The following RIPOR3 variants were observed in gnomAD, a reference collection of about 807,000 sequenced individuals.
RIPOR3 encodes the protein RIPOR family member 3.
In RIPOR3, 95 loss-of-function variants were observed where a neutral mutation model predicts 114.3. The ratio of observed to expected loss-of-function variants is 0.83; its 90% CI spans 0.70 to 0.99. The LOEUF is 0.99. Among genes scored for constraint, RIPOR3 ranks in the 50% least tolerant of loss-of-function variants. The pLI is 0.00. For missense variants in RIPOR3, 1,252 were observed against 1,266.9 expected (o/e 0.99, Z 0.18); for synonymous variants, 575 against 543.8 (o/e 1.06, Z -0.80).
At position 50,604,653 on chromosome 20, in the gene RIPOR3, A is replaced by G; in HGVS notation, c.1078T>C (p.Tyr360His). 6.2e-7 allele frequency: 1 copy of G among 1,607,128 alleles called. No individual in the cohort carries two copies. ...PPSTPSFRER[Y>H]YLSVLQQPTQ... ...CGGGAAGGCTCACTCACCAGGTAGT[A>G]TCTCTCCCGGAAGCTGGGGGTGCTC... is the stretch of plus-strand genomic sequence containing the variant. The change falls in exon 12 of 22, where the codon TAC becomes CAC. Residue 360 changes from tyrosine to histidine, a missense_variant. Coordinates refer to ENST00000327979, the MANE Select transcript of RIPOR3 (RefSeq NM_001290268.2).
intron 1 of RIPOR3, among the ~76,000 whole-genome samples, chr20:50,668,577 C>G (rs995425062): frequency 3.9e-5 from 6 of 152,190 alleles, no homozygotes; most frequent in Admixed American, 2.6e-4. Flanking sequence ...GGGGAAATGG[C>G]CGGGCACAGT....
At chr20:50,661,257 T>G (rs1347882015) in intron 1 of RIPOR3, among the ~76,000 whole-genome samples, 1 of 151,666 alleles carries the variant, frequency 6.6e-6, no homozygotes, top group Non-Finnish European at 1.5e-5. Flanking sequence ...AAAAAAATTG[T>G]AGGGACACAG....
At chr20:50,659,342 C>G (rs1012949811) in intron 1 of RIPOR3, among the ~76,000 whole-genome samples, 1 of 151,934 alleles carries the variant, frequency 6.6e-6, no homozygotes, top group African/African-American at 2.4e-5. Context: ...CAGGAAATAT[C>G]CAGGCATGAA....
At chr20:50,658,476 G>T (rs191273813) in intron 1 of RIPOR3, among the ~76,000 whole-genome samples, 12 of 152,252 alleles carry the variant, frequency 7.9e-5, no homozygotes, top group South Asian at 4.1e-4. Flanking sequence ...GGGAGACCAC[G>T]GTGGGAGGAT....
chr20:50,587,065 A>G lies in RIPOR3; in HGVS notation c.*167T>C. On this transcript the variant is annotated 3_prime_UTR_variant, in exon 22 of 22. Transcript: ENST00000327979. The stretch of plus-strand genomic sequence containing the variant: ...TTTTTCTGCCTCTGTACAAAAGACC[A>G]GCCCATGCCCTGGGGCTGGGTCAAT... 1.6e-6 allele frequency: 1 copy of G among 612,566 alleles called. No individual in the cohort carries two copies. The highest frequency in any genetic ancestry group is 2.8e-5 in the East Asian group (1 of 36,226). The allele number at this position is 612,566 out of a possible 1,614,324, so 37.9% of individuals were successfully genotyped here.
intron 20 of RIPOR3, among the ~76,000 whole-genome samples, chr20:50,588,763 A>G (rs532098734): frequency 4.7e-4 from 71 of 151,228 alleles, no homozygotes; most frequent in South Asian, 2.3e-3. Context: ...AAAAAAAAAA[A>G]AAAAAGAAAA....
intron 1 of RIPOR3, among the ~76,000 whole-genome samples, chr20:50,677,595 C>T (rs1157445136): frequency 4.0e-5 from 6 of 151,782 alleles, no homozygotes; most frequent in Middle Eastern, 6.9e-3. Flanking sequence ...TGGTCTCAAA[C>T]GCCTGACCTC....
rs1271751658 is a variant in RIPOR3 at position 50,609,628 on chromosome 20, C to T, written c.521G>A (p.Arg174His). ...CTCCTGCAGGCTCTCTCGGGCTGCG[C>T]GGCTCGGGGGGCACCGGGCGAAGGC... ...QRAFARCPPS[R>H]AARESLQELG... Residue 174 changes from arginine (R) to histidine (H), a missense_variant, in exon 7 of 22, where the codon CGC becomes CAC. Physicochemically the swap from Arg to His is conservative, Grantham distance 29. Coordinates refer to ENST00000327979, the MANE Select transcript of RIPOR3 (RefSeq NM_001290268.2). The T allele has an allele frequency of 5.0e-5, 70 of 1,406,288 alleles. No individual in the cohort carries two copies. The highest frequency in any genetic ancestry group is 5.9e-5 in the Non-Finnish European group (64 of 1,084,028). The allele number at this position is 1,406,288 out of a possible 1,614,324, so 87.1% of individuals were successfully genotyped here. A position where few individuals can be genotyped will look rare whatever the true frequency, so the allele number is the denominator to read the frequency against.
chr20:50,666,180 C>A (rs2086184381), intron 1 of RIPOR3, among the ~76,000 whole-genome samples: 2 of 82,606 alleles, frequency 2.4e-5, no homozygotes, highest in African/African-American at 5.5e-5. Context: ...AGAAAGGACA[C>A]CCATTTCTTT....
In RIPOR3 at chr20:50,609,749, G is replaced by C. The variant is rs115299032; in HGVS notation, c.427-27C>G. 2,411 of 1,355,608 alleles carry C rather than the reference G, an allele frequency of 1.8e-3. 36 individuals are homozygous for C. The African/African-American group carries it at 0.031, about 17-fold the overall frequency. The allele number at this position is 1,355,608 out of a possible 1,614,324, so 84.0% of individuals were successfully genotyped here. ...TGTGGTGGGCACACGGGCTGGTGGC[G>C]CTGCCCACGCGGAGGGGCGGCCCCA... is the stretch of plus-strand genomic sequence containing the variant. On this transcript the variant is annotated intron_variant, in intron 6 of 21. Transcript: ENST00000327979.
intron 2 of RIPOR3, among the ~76,000 whole-genome samples, chr20:50,629,367 A>G (rs2084737419): frequency 6.6e-6 from 1 of 152,018 alleles, no homozygotes; most frequent in South Asian, 2.1e-4. Flanking sequence ...ATGTCGATAA[A>G]CTGCCCCAGT....
At chr20:50,632,655 G>T (rs1043199342) in intron 1 of RIPOR3, among the ~76,000 whole-genome samples, 3 of 152,206 alleles carry the variant, frequency 2.0e-5, no homozygotes, top group Non-Finnish European at 4.4e-5. Context: ...TTCATCAAGT[G>T]CTCATTACTA....
intron 1 of RIPOR3, among the ~76,000 whole-genome samples, chr20:50,674,074 T>C (rs1447832926): frequency 2.6e-5 from 4 of 152,130 alleles, no homozygotes; most frequent in African/African-American, 9.7e-5. Context: ...TTGGCCATTA[T>C]AAAGACAAGA....
chr20:50,635,872 G>A (rs1011592402), intron 1 of RIPOR3, among the ~76,000 whole-genome samples: 1 of 152,210 alleles, frequency 6.6e-6, no homozygotes, highest in African/African-American at 2.4e-5. Context: ...CCTCCCAGGA[G>A]CCAGACCTCC....
At chr20:50,589,084 G>GAAAAAAAAA (rs529410533) in intron 20 of RIPOR3, among the ~76,000 whole-genome samples, 10 of 89,522 alleles carry the variant, frequency 1.1e-4, no homozygotes, top group African/African-American at 2.7e-4. Flanking sequence ...TCCATCTCAA[G>GAAAAAAAAA]AAAAAAAAAA....
intron 1 of RIPOR3, among the ~76,000 whole-genome samples, chr20:50,673,969 C>G (rs917874001): frequency 3.9e-5 from 6 of 152,238 alleles, no homozygotes; most frequent in Admixed American, 6.5e-5. Context: ...GAAATATACA[C>G]CCCTGGCAAG....
intron 1 of RIPOR3, among the ~76,000 whole-genome samples, chr20:50,636,047 G>C (rs1952925859): frequency 6.6e-6 from 1 of 152,242 alleles, no homozygotes; most frequent in African/African-American, 2.4e-5. Context: ...CCTGCGGACC[G>C]CGACAGTTCC....
rs1482302878 is a variant in RIPOR3, at chr20:50,608,441, C to T, written c.904G>A (p.Val302Met). The stretch of plus-strand genomic sequence containing the variant: ...ATGGTACCCAACTCCGTGATGTCCA[C>T]CACGATGACCTGCGGCCGCGTCGTG... ...FFTTRPQVIV[V>M]DITELGTIKL... The change falls in exon 11 of 22, where the codon GTG (valine) becomes ATG (methionine). Residue 302 changes from valine to methionine, a missense_variant. By Grantham distance (21) the Val-to-Met change is conservative. Transcript: ENST00000327979. 3 of 1,614,062 alleles carry T rather than the reference C, an allele frequency of 1.9e-6. No individual in the cohort carries two copies. The highest frequency in any genetic ancestry group is 3.3e-5 in the Admixed American group (2 of 60,018).
At chr20:50,680,393 C>T (rs1028046125) in intron 1 of RIPOR3, among the ~76,000 whole-genome samples, 1 of 152,140 alleles carries the variant, frequency 6.6e-6, no homozygotes, top group Non-Finnish European at 1.5e-5. Flanking sequence ...ACTTTTTTCC[C>T]CACTTTGAGT....
Sources: gnomAD v4.1 joint callset for allele counts (sites outside exome capture counted in the v4.1 genomes callset) on GRCh38, gnomAD v4.1.1 for gene constraint, MANE v1.5 for transcripts, NCBI Gene and HGNC (gene_info 2026-07-23, HGNC 2026-07-21) for gene names.